B3GAT1: variants seen among roughly 807,000 people sequenced by gnomAD.
B3GAT1 encodes galactosylgalactosylxylosylprotein 3-beta-glucuronosyltransferase 1.
In B3GAT1, 11 loss-of-function variants were observed where a neutral mutation model predicts 28.4. The ratio of observed to expected loss-of-function variants is 0.39; its 90% CI spans 0.24 to 0.64. The LOEUF (loss-of-function observed/expected upper bound fraction) is 0.64. Among genes scored for constraint, B3GAT1 ranks in the 30% least tolerant of loss-of-function variants. The pLI, the probability that B3GAT1 is intolerant of heterozygous loss-of-function variation, is 0.50. For missense variants in B3GAT1, 375 were observed against 491.0 expected, an observed-to-expected ratio of 0.76 and a Z score of 2.23; for synonymous variants, 255 against 223.1, an observed-to-expected ratio of 1.14 and a Z score of -1.27.
chr11:134,387,907 G>A lies in B3GAT1; in HGVS notation c.-248C>T. 6.7e-7 allele frequency: 1 copy of A among 1,491,854 alleles called. No individual in the cohort carries two copies. Among genetic ancestry groups the A allele is most frequent in the East Asian group, 2.6e-5 (1 of 37,826 alleles). 92.4% of individuals were successfully genotyped at this position (1,491,854 alleles called of 1,614,324 possible). A position where few individuals can be genotyped will look rare whatever the true frequency, so the allele number is the denominator to read the frequency against. The stretch of plus-strand genomic sequence containing the variant: ...GAGTCTGAGAAGGGGTCGCTGTCCA[G>A]GGGCAGGGGTCAGGAACCCTGGGGG... On this transcript the variant is annotated 5_prime_UTR_variant, in exon 2 of 6. Transcript: ENST00000312527.
chr11:134,386,305 A>G (rs1022009858), intron 2 of B3GAT1: 1 of 152,242 alleles, frequency 6.6e-6, no homozygotes, highest in African/African-American at 2.4e-5. Flanking sequence ...CTCTCTCTGC[A>G]TGGGCTTGGT....
In B3GAT1 at chr11:134,387,538, G is replaced by C. The variant is rs751018602; in HGVS notation, c.112+10C>G. On this transcript the variant is annotated intron_variant, in intron 2 of 5. Transcript: ENST00000312527. ...CCAGCTGGGCAGGCAGGGCATGCGT[G>C]CGTGCTCACCCTTATGTACCGCGAG... is the stretch of plus-strand genomic sequence containing the variant. 1 of 1,613,622 alleles carries C rather than the reference G, an allele frequency of 6.2e-7. No homozygotes were observed. The highest frequency in any genetic ancestry group is 2.2e-5 in the East Asian group (1 of 44,876).
At position 134,384,173 on chromosome 11, in the gene B3GAT1, G is replaced by A; in HGVS notation, c.128C>T (p.Pro43Leu). 3.9e-6 allele frequency: 6 copies of A among 1,545,706 alleles called. No homozygotes were observed. Among genetic ancestry groups the A allele is most frequent in the Middle Eastern group, 1.8e-4 (1 of 5,504 alleles). The change falls in exon 3 of 6, where the codon CCC becomes CTC. Residue 43 changes from proline (P) to leucine (L), a missense_variant. Coordinates refer to ENST00000312527, the MANE Select transcript of B3GAT1 (RefSeq NM_054025.3). ...GGCGCCGGGCGGCGTTTCGCGTCGG[G>A]GGTCACTGCCCTCATCTGCGGAGTC... ...LAVHKDEGSD[P>L]RRETPPGADP... is the part of the protein sequence containing the mutation.
chr11:134,392,578 T>C (rs1285182387), intron 1 of B3GAT1, among the ~76,000 whole-genome samples: 3 of 152,202 alleles, frequency 2.0e-5, no homozygotes, highest in Admixed American at 6.5e-5. Flanking sequence ...CACTATGCTG[T>C]CCAGCTGGTC....
Position 134,383,928 on chromosome 11 carries a change from G to A in B3GAT1, c.373C>T (p.Arg125Cys), listed in dbSNP as rs768956082. 2.5e-6 allele frequency: 4 copies of A among 1,596,396 alleles called. No individual in the cohort carries two copies. The South Asian group carries it at 3.3e-5, about 13-fold the overall frequency. The change falls in exon 3 of 6, where the codon CGC becomes TGC. Residue 125 changes from arginine to cysteine, a missense_variant. Arg to Cys is a radical substitution (Grantham distance 180, BLOSUM62 -3). Coordinates refer to ENST00000312527, the MANE Select transcript of B3GAT1 (RefSeq NM_054025.3). ...LHWLVVEDAP[R>C]RTPLTARLLR... ...AGGCGCGCGGTCAGCGGCGTCCGGC[G>A]CGGCGCATCCTCCACCACCAGCCAG...
intron 1 of B3GAT1, among the ~76,000 whole-genome samples, chr11:134,398,423 C>T (rs1379873022): frequency 5.3e-5 from 8 of 152,178 alleles, no homozygotes; most frequent in Non-Finnish European, 7.4e-5. Context: ...CTGGGGTTTG[C>T]GGGGGCTGCT....
At chr11:134,387,320 A>G in intron 2 of B3GAT1, 2 of 547,394 alleles carry the variant, frequency 3.7e-6, no homozygotes, top group Non-Finnish European at 6.3e-6. Flanking sequence ...TTTCAAGGCA[A>G]CTGTCTTGGT....
At chr11:134,405,843 G>C (rs567033642) in intron 1 of B3GAT1, among the ~76,000 whole-genome samples, 2 of 152,322 alleles carry the variant, frequency 1.3e-5, no homozygotes, top group South Asian at 4.1e-4. Context: ...CAGGTAGCCT[G>C]GGGTGTCCAG....
chr11:134,384,090 A>G lies in B3GAT1; in HGVS notation c.211T>C (p.Tyr71His), dbSNP rs148540880. The change falls in exon 3 of 6, where the codon TAC becomes CAC. Residue 71 changes from tyrosine (Y) to histidine (H), a missense_variant. Physicochemically the swap from Tyr to His is moderately conservative, Grantham distance 83. Transcript: ENST00000312527. The part of the protein sequence containing the change: ...RDIVEVVRTE[Y>H]VYTRPPPWSD... ...CATGGCGGGGGCCGCGTGTACACGTACTCGGTGCGCACCACCTCCACGATG... is the reference window on the plus strand; with the variant it reads ...CATGGCGGGGGCCGCGTGTACACGTGCTCGGTGCGCACCACCTCCACGATG... 4.0e-4 allele frequency: 638 copies of G among 1,598,352 alleles called. No individual in the cohort carries two copies. Among genetic ancestry groups the G allele is most frequent in the Non-Finnish European group, 5.2e-4 (614 of 1,175,330 alleles).
intron 1 of B3GAT1, chr11:134,390,811 G>A (rs1944395404): frequency 6.6e-6 from 1 of 152,304 alleles, no homozygotes. Flanking sequence ...CTGTCATCGG[G>A]GGCATAGGAT....
intron 1 of B3GAT1, among the ~76,000 whole-genome samples, chr11:134,394,205 C>T (rs1283929962): frequency 1.3e-5 from 2 of 152,218 alleles, no homozygotes; most frequent in Admixed American, 1.3e-4. Context: ...ATAGCAGATT[C>T]CACTCTGAAT....
At position 134,387,465 on chromosome 11, in the gene B3GAT1, C is replaced by T. The variant is rs995251964; in HGVS notation, c.112+83G>A. On this transcript the variant is annotated intron_variant, in intron 2 of 5. Transcript: ENST00000312527. ...GTTCCTCCTAGCTGCTAAGTGAGTGCAAGCAAGAACCCTGCGTGTCAGCTG... is the reference window on the plus strand; with the variant it reads ...GTTCCTCCTAGCTGCTAAGTGAGTGTAAGCAAGAACCCTGCGTGTCAGCTG... The T allele has an allele frequency of 3.2e-6, 5 of 1,559,096 alleles. No individual in the cohort carries two copies. In the African/African-American group the frequency reaches 5.4e-5, roughly 17 times the overall value.
chr11:134,382,068 C>T lies in B3GAT1; in HGVS notation c.919-44G>A, dbSNP rs1292912235. Reference sequence around the variant, plus strand: ...AAAACATGGTGGGACAGGCCCCTGACCTCACTCTGCTGCCTCCCTGCTCCC... The same window carrying T: ...AAAACATGGTGGGACAGGCCCCTGATCTCACTCTGCTGCCTCCCTGCTCCC... On this transcript the variant is annotated intron_variant, in intron 4 of 5. Transcript: ENST00000312527. 1.9e-6 allele frequency: 3 copies of T among 1,558,016 alleles called. No individual in the cohort carries two copies. The East Asian group carries it at 6.7e-5, about 35-fold the overall frequency.
At chr11:134,386,990 G>A (rs1227071047) in intron 2 of B3GAT1, 1 of 158,184 alleles carries the variant, frequency 6.3e-6, no homozygotes, top group Non-Finnish European at 1.4e-5. Flanking sequence ...CCACCTTTAT[G>A]GAGCTCTCCC....
intron 1 of B3GAT1, among the ~76,000 whole-genome samples, chr11:134,397,651 G>A (rs372462910): frequency 2.8e-4 from 43 of 152,250 alleles, no homozygotes; most frequent in Non-Finnish European, 4.6e-4. Flanking sequence ...ACCCAGAGCC[G>A]CGGGGGGTCC....
intron 1 of B3GAT1, among the ~76,000 whole-genome samples, chr11:134,398,451 A>G (rs1322033227): frequency 2.0e-5 from 3 of 150,790 alleles, no homozygotes; most frequent in Non-Finnish European, 4.4e-5. Flanking sequence ...AACCTACTAA[A>G]CACAACAGCT....
chr11:134,395,326 A>G (rs1455228959), intron 1 of B3GAT1, among the ~76,000 whole-genome samples: 1 of 152,140 alleles, frequency 6.6e-6, no homozygotes, highest in African/African-American at 2.4e-5. Context: ...CTGATAAAGG[A>G]TTGTGGGACG....
intron 1 of B3GAT1, among the ~76,000 whole-genome samples, chr11:134,406,968 TCCGTGC>T (rs1565460679): frequency 6.6e-6 from 1 of 151,958 alleles, no homozygotes; most frequent in African/African-American, 2.4e-5. Context: ...ACTAGAACTT[TCCGTGC>T]CCAAAACACC....
chr11:134,388,511 T>G lies in B3GAT1; in HGVS notation c.-281-571A>C, dbSNP rs1944344798. On this transcript the variant is annotated intron_variant, in intron 1 of 5. Transcript: ENST00000312527. The stretch of plus-strand genomic sequence containing the variant: ...TTAGATTTGGGGGCACATGTGCAGG[T>G]TTGTTATGGGTCATATTGCATGTGA... The G allele has an allele frequency of 5.7e-5, 9 of 156,694 alleles. 1 individual carries two copies. Among genetic ancestry groups the G allele is most frequent in the Admixed American group, 5.4e-4 (9 of 16,696 alleles). The allele number at this position is 156,694 out of a possible 1,614,324, so 9.7% of individuals were successfully genotyped here. A position where few individuals can be genotyped will look rare whatever the true frequency, so the allele number is the denominator to read the frequency against.
Sources: allele counts gnomAD v4.1 joint callset (sites outside exome capture counted in the v4.1 genomes callset), GRCh38; gene constraint gnomAD v4.1.1; transcripts MANE v1.5; gene names NCBI Gene and HGNC (gene_info 2026-07-23, HGNC 2026-07-21).